OSBPL10: variants seen among roughly 807,000 people sequenced by gnomAD.
The protein encoded by OSBPL10 is oxysterol-binding protein-related protein 10.
In OSBPL10, 49 loss-of-function variants were observed where a neutral mutation model predicts 81.7. The ratio of observed to expected loss-of-function variants is 0.60; its 90% CI spans 0.48 to 0.76. OSBPL10 has a LOEUF of 0.76. OSBPL10 is among the 30% of genes least tolerant of loss of function. OSBPL10 has a pLI of 0.00. For missense variants in OSBPL10, 923 were observed against 987.8 expected (o/e 0.93, Z 0.88); for synonymous variants, 419 against 383.6 (o/e 1.09, Z -1.08).
intron 3 of OSBPL10, among the ~76,000 whole-genome samples, chr3:31,841,080 G>C (rs2125554627): frequency 6.6e-6 from 1 of 152,294 alleles, no homozygotes; most frequent in African/African-American, 2.4e-5. Flanking sequence ...AGCTAATTTT[G>C]TATTTTTAGT....
Position 32,076,343 on chromosome 3 carries a change from G to A in OSBPL10, n.185+1053C>T, listed in dbSNP as rs568342723. ...AGATTGCGCCACTGCACTCCAACCTGGGCAACAGAGTGAGACTCCATCTCA... is the reference window on the plus strand; with the variant it reads ...AGATTGCGCCACTGCACTCCAACCTAGGCAACAGAGTGAGACTCCATCTCA... On this transcript the variant is annotated intron_variant and non_coding_transcript_variant, in intron 1 of 3. Transcript: ENST00000479173. Among the ~76,000 whole-genome samples the A allele has an allele frequency of 2.4e-4, 37 of 151,800 alleles. 1 individual carries two copies. The highest frequency in any genetic ancestry group is 8.2e-4 in the African/African-American group (34 of 41,402).
chr3:31,853,600 A>G (rs1700825028), intron 3 of OSBPL10, among the ~76,000 whole-genome samples: 1 of 152,198 alleles, frequency 6.6e-6, no homozygotes, highest in Non-Finnish European at 1.5e-5. Context: ...AACTGACTCT[A>G]CTTAAATATT....
rs138508588 is a variant in OSBPL10 at position 31,683,695 on chromosome 3, A to G, written c.1665T>C (p.Thr555=). 1 of 1,614,156 alleles carries G rather than the reference A, an allele frequency of 6.2e-7. No homozygotes were observed. The highest frequency in any genetic ancestry group is 8.5e-7 in the Non-Finnish European group (1 of 1,180,024). Residue 555 remains threonine (T), a synonymous_variant, in exon 8 of 12, where the codon ACT becomes ACC. Transcript: ENST00000396556. ...ECEEKRLCVN[T]HVWTKSKFMG... ...TGAACTTGCTTTTGGTCCATACATG[A>G]GTGTTGACGCACAGTCTCTTCTCCT...
chr3:31,686,392 T>C (rs1312385274), intron 7 of OSBPL10, among the ~76,000 whole-genome samples: 1 of 152,102 alleles, frequency 6.6e-6, no homozygotes, highest in Non-Finnish European at 1.5e-5. Flanking sequence ...GTAGATCTCC[T>C]TTAATGCTTT....
At chr3:31,982,107 T>C (rs1698862325), upstream of OSBPL10, among the ~76,000 whole-genome samples, 1 of 152,136 alleles carries the variant, frequency 6.6e-6, no homozygotes, top group Non-Finnish European at 1.5e-5. Flanking sequence ...TATCCATTGC[T>C]ACCACACTGC....
intron 1 of OSBPL10, among the ~76,000 whole-genome samples, chr3:32,055,191 C>CTTTTTTT (rs139735770): frequency 3.4e-5 from 2 of 58,298 alleles, no homozygotes; most frequent in African/African-American, 1.5e-4. Flanking sequence ...CTATTTATAG[C>CTTTTTTT]TTTTTTTTTT....
intron 1 of OSBPL10, among the ~76,000 whole-genome samples, chr3:31,907,941 T>C (rs1440449621): frequency 1.3e-5 from 2 of 152,108 alleles, no homozygotes; most frequent in Non-Finnish European, 2.9e-5. Context: ...TAAAACAGGC[T>C]ACAGTGTTGG....
intron 2 of OSBPL10, among the ~76,000 whole-genome samples, chr3:32,024,628 G>A (rs113495386): frequency 0.014 from 2,078 of 151,370 alleles, 53 homozygotes; most frequent in African/African-American, 0.047. Flanking sequence ...GGGATTACAC[G>A]CGCCTGCCAC....
intron 6 of OSBPL10, among the ~76,000 whole-genome samples, chr3:31,705,227 A>AT (rs1418010330): frequency 6.6e-6 from 1 of 152,132 alleles, no homozygotes; most frequent in Non-Finnish European, 1.5e-5. Context: ...TTCTCTCCCA[A>AT]TGTGATTTGT....
chr3:31,912,712 C>T (rs918461312), intron 1 of OSBPL10, among the ~76,000 whole-genome samples: 1 of 152,120 alleles, frequency 6.6e-6, no homozygotes, highest in African/African-American at 2.4e-5. Context: ...ATAAAGCTGT[C>T]GTAGAGTGAT....
At chr3:31,869,002 T>C (rs1307999919) in intron 3 of OSBPL10, among the ~76,000 whole-genome samples, 1 of 152,128 alleles carries the variant, frequency 6.6e-6, no homozygotes, top group Non-Finnish European at 1.5e-5. Flanking sequence ...AAAAGCAAAG[T>C]TGTTTTCCTT....
intron 6 of OSBPL10, among the ~76,000 whole-genome samples, chr3:31,725,353 G>A (rs1367358653): frequency 6.6e-6 from 1 of 152,098 alleles, no homozygotes; most frequent in African/African-American, 2.4e-5. Flanking sequence ...TAGCTAGAAG[G>A]CATATCTTCT....
chr3:31,824,327 G>A (rs1024705475), intron 4 of OSBPL10, among the ~76,000 whole-genome samples: 5 of 152,176 alleles, frequency 3.3e-5, no homozygotes, highest in Admixed American at 1.3e-4. Context: ...GTGAGATCTA[G>A]TACTGCCATC....
At chr3:31,787,390 T>A (rs1032977185) in intron 4 of OSBPL10, among the ~76,000 whole-genome samples, 6 of 151,740 alleles carry the variant, frequency 4.0e-5, no homozygotes, top group African/African-American at 1.5e-4. Context: ...AGGTCAGGAG[T>A]TCCAGACCAG....
rs1699766770 is a variant in OSBPL10, at chr3:32,064,841, C to T, written n.185+12555G>A. 3.2e-5 allele frequency: 3 copies of T among 93,422 alleles called. 1 individual carries two copies. In the South Asian group the frequency reaches 1.2e-3, roughly 39 times the overall value. 5.8% of individuals were successfully genotyped at this position (93,422 alleles called of 1,614,324 possible). Reference sequence around the variant, plus strand: ...TGGGCCTCATAATTTAAAGGGCTCACATTTCCTAGATACATGTGTGTTTTT... The same window carrying T: ...TGGGCCTCATAATTTAAAGGGCTCATATTTCCTAGATACATGTGTGTTTTT... On this transcript the variant is annotated intron_variant and non_coding_transcript_variant, in intron 1 of 3. Coordinates refer to the OSBPL10 transcript ENST00000479173.
At position 31,662,132 on chromosome 3, in the gene OSBPL10, G is replaced by T. The variant is rs776974831; in HGVS notation, c.2251-16C>A. On this transcript the variant is annotated splice_polypyrimidine_tract_variant and intron_variant, in intron 11 of 11. Coordinates refer to ENST00000396556, the MANE Select transcript of OSBPL10 (RefSeq NM_017784.5). The stretch of plus-strand genomic sequence containing the variant: ...AGCCATCGCCCTGCAAGAGAAGAAA[G>T]GAGGCATTATTACATGGAGACCTCT... 2.5e-6 allele frequency: 4 copies of T among 1,614,014 alleles called. No individual in the cohort carries two copies. In the South Asian group the frequency reaches 4.4e-5, roughly 18 times the overall value.
chr3:31,969,210 T>G (rs201758190), intron 1 of OSBPL10, among the ~76,000 whole-genome samples: 1 of 152,134 alleles, frequency 6.6e-6, no homozygotes, highest in Admixed American at 6.5e-5. Flanking sequence ...GGTTAATGAA[T>G]TGGGAGGCCT....
At chr3:31,881,132 C>T (rs901431111) in intron 1 of OSBPL10, among the ~76,000 whole-genome samples, 11 of 152,078 alleles carry the variant, frequency 7.2e-5, no homozygotes, top group Non-Finnish European at 2.9e-5. Context: ...TGGTACTGGC[C>T]CCATTTGAAG....
At chr3:31,842,642 GT>G (rs781661583) in intron 3 of OSBPL10, among the ~76,000 whole-genome samples, 11 of 152,280 alleles carry the variant, frequency 7.2e-5, no homozygotes, top group Admixed American at 2.6e-4. Context: ...GTACATGAGA[GT>G]TTTTTTCTCA....
Sources: gnomAD v4.1 joint callset for allele counts (sites outside exome capture counted in the v4.1 genomes callset) on GRCh38, gnomAD v4.1.1 for gene constraint, MANE v1.5 for transcripts, NCBI Gene and HGNC (gene_info 2026-07-23, HGNC 2026-07-21) for gene names.